Variants in ZNF420 observed in about 807,000 individuals in gnomAD.
ZNF420 encodes the protein zinc finger protein 420.
Under a neutral mutation model 44.7 loss-of-function variants are expected in ZNF420, and 31 were observed. The observed-to-expected ratio is 0.69, with a 90% CI of 0.52 to 0.94. The LOEUF (loss-of-function observed/expected upper bound fraction) is 0.94, where lower values mean the gene tolerates loss of function less well. Ranked by LOEUF, ZNF420 falls within the 40% of genes least tolerant of loss-of-function variation. The probability of loss-of-function intolerance (pLI) is 0.00; values close to 1 mark genes in which losing one functional copy is unlikely to be tolerated. For missense variants in ZNF420, 681 were observed against 827.9 expected, an observed-to-expected ratio of 0.82 and a Z score of 2.18; for synonymous variants, 245 against 267.4, an observed-to-expected ratio of 0.92 and a Z score of 0.82.
At chr19:37,069,741 A>T (rs1376548223) in intron 1 of ZNF420, among the ~76,000 whole-genome samples, 1 of 152,168 alleles carries the variant, frequency 6.6e-6, no homozygotes. Context: ...AAAAAATCAT[A>T]GAACCATTGT....
intron 4 of ZNF420, among the ~76,000 whole-genome samples, chr19:37,115,423 G>A (rs987414881): frequency 8.5e-5 from 13 of 152,064 alleles, no homozygotes; most frequent in South Asian, 2.1e-4. Flanking sequence ...TGGCAGGACC[G>A]TAGGGTAATA....
intron 4 of ZNF420, among the ~76,000 whole-genome samples, chr19:37,123,309 T>C (rs1324167291): frequency 6.6e-6 from 1 of 152,190 alleles, no homozygotes; most frequent in Non-Finnish European, 1.5e-5. Context: ...TAAAAGTCGA[T>C]TTTTTAAAGA....
chr19:37,016,935 C>A (rs780443105), intron 1 of ZNF420, among the ~76,000 whole-genome samples: 3 of 152,136 alleles, frequency 2.0e-5, no homozygotes, highest in Non-Finnish European at 4.4e-5. Context: ...GTCTTGGGAT[C>A]CACAAGGGTT....
Position 37,130,356 on chromosome 19 carries a change from T to G in ZNF420, c.*1298T>G. On this transcript the variant is annotated 3_prime_UTR_variant, in exon 5 of 5. Transcript: ENST00000337995. Reference sequence around the variant, plus strand: ...TTCTGTTATTGACAATAAAAATTCTTAAGGATATAAAATTTTGTACCTGGA... The same window carrying G: ...TTCTGTTATTGACAATAAAAATTCTGAAGGATATAAAATTTTGTACCTGGA... 1 of 1,276,800 alleles carries G rather than the reference T, an allele frequency of 7.8e-7. No individual in the cohort carries two copies. The highest frequency in any genetic ancestry group is 1.0e-6 in the Non-Finnish European group (1 of 1,004,382). The allele number at this position is 1,276,800 out of a possible 1,614,324, so 79.1% of individuals were successfully genotyped here.
intron 4 of ZNF420, among the ~76,000 whole-genome samples, chr19:37,125,371 T>G (rs1005497022): frequency 1.3e-5 from 2 of 152,130 alleles, no homozygotes; most frequent in African/African-American, 4.8e-5. Context: ...TTGAAAGGGA[T>G]AGAGAGAGCT....
rs138844299 is a variant in ZNF420 at position 37,010,581 on chromosome 19, G to A, written c.-125+2499G>A. The stretch of plus-strand genomic sequence containing the variant: ...CTCTCTGTCTGTGAGTGTGTGTGCC[G>A]GTGTGCGTGTGTGTGTTGAATGAAT... On this transcript the variant is annotated intron_variant, in intron 1 of 4. Coordinates refer to the ZNF420 transcript ENST00000587029. 1.6e-3 allele frequency among the ~76,000 whole-genome samples: 245 copies of A among 151,956 alleles called. 2 individuals are homozygous for A. The highest frequency in any genetic ancestry group is 4.3e-3 in the Admixed American group (65 of 15,252).
chr19:37,127,954 G>A lies in ZNF420; in HGVS notation c.963G>A (p.Gln321=). ...GAAAAGCTTTTATTTGTGGCTCACA[G>A]CTTTCTCAACATCAGAAAATTCATA... ...ECGKAFICGS[Q]LSQHQKIHNG... The change falls in exon 5 of 5, where the codon CAG becomes CAA. Residue 321 remains glutamine (Q), a synonymous_variant. Transcript: ENST00000337995. 1 of 1,613,244 alleles carries A rather than the reference G, an allele frequency of 6.2e-7. No homozygotes were observed. The highest frequency in any genetic ancestry group is 8.5e-7 in the Non-Finnish European group (1 of 1,179,738).
At chr19:37,016,780 G>A (rs1401782215) in intron 1 of ZNF420, among the ~76,000 whole-genome samples, 1 of 152,204 alleles carries the variant, frequency 6.6e-6, no homozygotes, top group Non-Finnish European at 1.5e-5. Context: ...GGACCCCTCG[G>A]AGGATGATTT....
At position 37,129,619 on chromosome 19, in the gene ZNF420, G is replaced by A. The variant is rs552801653; in HGVS notation, c.*561G>A. On this transcript the variant is annotated 3_prime_UTR_variant, in exon 5 of 5. Coordinates refer to ENST00000337995, the MANE Select transcript of ZNF420 (RefSeq NM_144689.5). ...TTATCAACACATCCAAGATGACTTGGTTGGGGGGCACTGTATGCCATAATG... is the reference window on the plus strand; with the variant it reads ...TTATCAACACATCCAAGATGACTTGATTGGGGGGCACTGTATGCCATAATG... 3 of 157,818 alleles carry A rather than the reference G, an allele frequency of 1.9e-5. No individual in the cohort carries two copies. Among genetic ancestry groups the A allele is most frequent in the African/African-American group, 7.2e-5 (3 of 41,422 alleles). 9.8% of individuals were successfully genotyped at this position (157,818 alleles called of 1,614,324 possible). A position where few individuals can be genotyped will look rare whatever the true frequency, so the allele number is the denominator to read the frequency against.
At position 37,129,333 on chromosome 19, in the gene ZNF420, C is replaced by G. The variant is rs925821201; in HGVS notation, c.*275C>G. The G allele has an allele frequency of 2.8e-5, 11 of 396,668 alleles. No individual in the cohort carries two copies. Among genetic ancestry groups the G allele is most frequent in the African/African-American group, 1.8e-4 (9 of 49,316 alleles). 24.6% of individuals were successfully genotyped at this position (396,668 alleles called of 1,614,324 possible). On this transcript the variant is annotated 3_prime_UTR_variant, in exon 5 of 5. Coordinates refer to ENST00000337995, the MANE Select transcript of ZNF420 (RefSeq NM_144689.5). ...TATCTTTTTCAACGTTATCTTAGCT[C>G]TACTAGTTGATCTTTTTGTTATATG...
intron 1 of ZNF420, among the ~76,000 whole-genome samples, chr19:37,044,788 C>T (rs1967515346): frequency 6.6e-6 from 1 of 152,140 alleles, no homozygotes; most frequent in Non-Finnish European, 1.5e-5. Context: ...GAGATCGCAC[C>T]ATTGCACTCC....
At chr19:37,058,250 T>A (rs1214461753) in intron 1 of ZNF420, among the ~76,000 whole-genome samples, 1 of 152,198 alleles carries the variant, frequency 6.6e-6, no homozygotes, top group Non-Finnish European at 1.5e-5. Context: ...ACTCTGGGCT[T>A]CCATACCTGT....
At chr19:37,049,567 GTTT>G (rs1967601732) in intron 1 of ZNF420, among the ~76,000 whole-genome samples, 1 of 152,054 alleles carries the variant, frequency 6.6e-6, no homozygotes, top group African/African-American at 2.4e-5. Flanking sequence ...GAGGTTGTTT[GTTT>G]TTTTCTTGTA....
At chr19:37,060,800 T>G (rs1259035859) in intron 1 of ZNF420, among the ~76,000 whole-genome samples, 2 of 152,074 alleles carry the variant, frequency 1.3e-5, no homozygotes, top group Non-Finnish European at 2.9e-5. Flanking sequence ...ACTTCCTGTC[T>G]CATTCTTGAG....
chr19:37,024,007 C>T (rs992424962), intron 1 of ZNF420, among the ~76,000 whole-genome samples: 1 of 151,982 alleles, frequency 6.6e-6, no homozygotes, highest in East Asian at 1.9e-4. Flanking sequence ...CCTCATGATA[C>T]CCCTCCAGCA....
intron 4 of ZNF420, among the ~76,000 whole-genome samples, chr19:37,102,262 G>A (rs1357239738): frequency 6.6e-6 from 1 of 152,222 alleles, no homozygotes; most frequent in Non-Finnish European, 1.5e-5. Context: ...AAGGTCTGCT[G>A]TGGGACAGAG....
At chr19:37,096,082 G>A in intron 4 of ZNF420, 1 of 152,146 alleles carries the variant, frequency 6.6e-6, no homozygotes. Context: ...TTGCTCTTGA[G>A]AAGTCTGCCA....
At chr19:37,037,156 C>T (rs562758266) in intron 1 of ZNF420, among the ~76,000 whole-genome samples, 5 of 150,906 alleles carry the variant, frequency 3.3e-5, no homozygotes, top group Admixed American at 6.6e-5. Flanking sequence ...AAGCAGTTTG[C>T]GCTTTGAAAT....
At chr19:37,028,600 A>T (rs980925781) in intron 1 of ZNF420, among the ~76,000 whole-genome samples, 1 of 152,328 alleles carries the variant, frequency 6.6e-6, no homozygotes, top group African/African-American at 2.4e-5. Flanking sequence ...GGCCACTGAG[A>T]TAGGCTACAT....
Sources: gnomAD v4.1 joint callset for allele counts (sites outside exome capture counted in the v4.1 genomes callset) on GRCh38, gnomAD v4.1.1 for gene constraint, MANE v1.5 for transcripts, NCBI Gene and HGNC (gene_info 2026-07-23, HGNC 2026-07-21) for gene names.